MGST1: variants seen among roughly 807,000 people sequenced by gnomAD.
MGST1 encodes microsomal glutathione S-transferase 1, also known as glutathione S-transferase 12.
A neutral mutation model predicts 8.9 loss-of-function variants in MGST1; 5 were observed. That is an observed-to-expected ratio of 0.56 (90% CI 0.29 to 1.19). The LOEUF is 1.19. MGST1 is among the 50% of genes most tolerant of loss of function. MGST1 has a pLI of 0.08. For synonymous variants in MGST1, 54 were observed against 67.8 expected (o/e 0.80, Z 1.00); for missense variants, 182 against 187.4 (o/e 0.97, Z 0.17).
chr12:16,513,309 A>G lies in MGST1; in HGVS notation n.483-76219A>G, dbSNP rs1306753621. On this transcript the variant is annotated intron_variant and non_coding_transcript_variant, in intron 4 of 4. Transcript: ENST00000538857. This position sits in a 1 kb window ranked among gnomAD's most constrained non-coding sequence, Gnocchi z 4.2. ...TACTCTGATTCTCTCCACATTTCCC[A>G]TTGAAAATTCCTTAAAAAGGAGAAT... 1.2e-5 allele frequency: 3 copies of G among 248,516 alleles called. No individual in the cohort carries two copies. Among genetic ancestry groups the G allele is most frequent in the African/African-American group, 6.9e-5 (3 of 43,534 alleles). 15.4% of individuals were successfully genotyped at this position (248,516 alleles called of 1,614,324 possible).
intron 1 of MGST1, among the ~76,000 whole-genome samples, chr12:16,348,165 G>A (rs1939285409): frequency 6.6e-6 from 1 of 152,200 alleles, no homozygotes; most frequent in Non-Finnish European, 1.5e-5. Context: ...TTGTAAGGCA[G>A]GATTTGCTCT....
rs148590035 is a variant in MGST1, at chr12:16,413,189, G to A, written n.779-24199G>A. Among the ~76,000 whole-genome samples, 2 of 152,248 alleles carry A rather than the reference G, an allele frequency of 1.3e-5. No homozygotes were observed. The highest frequency in any genetic ancestry group is 1.9e-4 in the East Asian group (1 of 5,174). On this transcript the variant is annotated intron_variant and non_coding_transcript_variant, in intron 1 of 1. Transcript: ENST00000359720. The surrounding 1 kb of genome is among the most constrained non-coding windows in gnomAD (Gnocchi z 4.0). ...GAGAACCACTATCACTGACTTTCTC[G>A]AGCCCTATTTGGCTCTGCAGGAGCT...
At chr12:16,493,316 G>A (rs758618685) in intron 4 of MGST1, among the ~76,000 whole-genome samples, 2 of 152,084 alleles carry the variant, frequency 1.3e-5, no homozygotes, top group Admixed American at 1.3e-4. Flanking sequence ...TTTTTTACGT[G>A]CTTGTTCAAG....
chr12:16,562,906 T>C (rs1942453074), intron 4 of MGST1, among the ~76,000 whole-genome samples: 1 of 152,234 alleles, frequency 6.6e-6, no homozygotes, highest in African/African-American at 2.4e-5. Flanking sequence ...TCTGACGTTA[T>C]AGCCTTCCAA....
chr12:16,581,119 C>A, intron 4 of MGST1, among the ~76,000 whole-genome samples: 1 of 152,160 alleles, frequency 6.6e-6, no homozygotes, highest in East Asian at 1.9e-4. Flanking sequence ...AAAGGAAGTT[C>A]ATCAGTGCTT....
At chr12:16,579,872 G>T (rs192321707) in intron 4 of MGST1, among the ~76,000 whole-genome samples, 16 of 152,278 alleles carry the variant, frequency 1.1e-4, no homozygotes, top group African/African-American at 2.4e-4. Flanking sequence ...TTTAGATAAT[G>T]ATTATCCATT....
Position 16,537,020 on chromosome 12 carries a change from A to C in MGST1, n.483-52508A>C, listed in dbSNP as rs147703791. Among the ~76,000 whole-genome samples the C allele has an allele frequency of 0.022, 3,292 of 152,290 alleles. 128 individuals are homozygous for C. Among genetic ancestry groups the C allele is most frequent in the African/African-American group, 0.076 (3,137 of 41,548 alleles). ...TTTTGGCATTAACCCAAAAGTCCAC[A>C]GTCCAAAGTCTCATCTGAGACAAGG... On this transcript the variant is annotated intron_variant and non_coding_transcript_variant, in intron 4 of 4. Transcript: ENST00000538857. The surrounding 1 kb of genome is among the most constrained non-coding windows in gnomAD (Gnocchi z 4.6).
chr12:16,424,309 G>T (rs192212125), intron 1 of MGST1, among the ~76,000 whole-genome samples: 6 of 152,240 alleles, frequency 3.9e-5, no homozygotes, highest in African/African-American at 1.4e-4. Context: ...CTTCCTGAAA[G>T]AACTTTGGAA....
At chr12:16,415,590 A>G (rs1430712923) in intron 1 of MGST1, among the ~76,000 whole-genome samples, 1 of 152,208 alleles carries the variant, frequency 6.6e-6, no homozygotes, top group Non-Finnish European at 1.5e-5. Flanking sequence ...TTATGAATTT[A>G]TTAATAACAT....
intron 1 of MGST1, chr12:16,399,301 C>G: frequency 6.2e-7 from 1 of 1,606,304 alleles, no homozygotes; most frequent in Non-Finnish European, 8.5e-7. Context: ...TTGGGGGGTG[C>G]AGAGCTGTGT....
intron 4 of MGST1, among the ~76,000 whole-genome samples, chr12:16,521,231 C>A (rs1436447664): frequency 1.3e-5 from 2 of 152,060 alleles, no homozygotes; most frequent in Non-Finnish European, 2.9e-5. Flanking sequence ...TGAGGAAAAT[C>A]AGTAGACTAT....
intron 4 of MGST1, among the ~76,000 whole-genome samples, chr12:16,477,493 A>G (rs892117892): frequency 6.6e-6 from 1 of 152,218 alleles, no homozygotes; most frequent in African/African-American, 2.4e-5. Flanking sequence ...AGTAGTTTCA[A>G]AACAGATTAA....
intron 1 of MGST1, among the ~76,000 whole-genome samples, chr12:16,433,123 G>A (rs1314269650): frequency 6.6e-6 from 1 of 152,098 alleles, no homozygotes; most frequent in African/African-American, 2.4e-5. Flanking sequence ...CAAAACTGAA[G>A]AACTTGGAGT....
intron 3 of MGST1, among the ~76,000 whole-genome samples, chr12:16,373,269 G>A (rs1466276977): frequency 6.6e-6 from 1 of 151,704 alleles, no homozygotes; most frequent in East Asian, 1.9e-4. Flanking sequence ...AGGGATGTGG[G>A]GGATAAAGAG....
chr12:16,459,694 G>A (rs1941204608), intron 4 of MGST1, among the ~76,000 whole-genome samples: 1 of 152,040 alleles, frequency 6.6e-6, no homozygotes, highest in African/African-American at 2.4e-5. Flanking sequence ...ATCTTATCTT[G>A]ATCCAGAGAG....
chr12:16,427,873 T>A (rs966618589), intron 1 of MGST1, among the ~76,000 whole-genome samples: 1 of 152,180 alleles, frequency 6.6e-6, no homozygotes, highest in African/African-American at 2.4e-5. Context: ...AGCTATTTTC[T>A]ATGACTCACC....
At position 16,567,933 on chromosome 12, in the gene MGST1, T is replaced by A. The variant is rs138727582; in HGVS notation, n.483-21595T>A. ...TGGACTTACTGAGTAGCGATCATGATCTGACCCATTTTAACAACATGGTGG... is the reference window on the plus strand; with the variant it reads ...TGGACTTACTGAGTAGCGATCATGAACTGACCCATTTTAACAACATGGTGG... On this transcript the variant is annotated intron_variant and non_coding_transcript_variant, in intron 4 of 4. Transcript: ENST00000538857. Among the ~76,000 whole-genome samples the A allele has an allele frequency of 1.5e-3, 230 of 152,250 alleles. 2 individuals carry two copies. The highest frequency in any genetic ancestry group is 5.2e-3 in the African/African-American group (217 of 41,562).
At chr12:16,395,523 G>A (rs1208965097) in intron 1 of MGST1, among the ~76,000 whole-genome samples, 1 of 151,972 alleles carries the variant, frequency 6.6e-6, no homozygotes, top group South Asian at 2.1e-4. Context: ...CCCATCACCT[G>A]AGCAGTATAC....
At chr12:16,574,325 G>C (rs1168500711) in intron 4 of MGST1, among the ~76,000 whole-genome samples, 2 of 152,284 alleles carry the variant, frequency 1.3e-5, no homozygotes, top group African/African-American at 2.4e-5. Context: ...GAAAACGCCT[G>C]TCTCTCGGAT....
Sources: allele counts gnomAD v4.1 joint callset (sites outside exome capture counted in the v4.1 genomes callset), GRCh38; gene constraint gnomAD v4.1.1; non-coding constraint Gnocchi (gnomAD v3.1); transcripts MANE v1.5; gene names NCBI Gene and HGNC (gene_info 2026-07-23, HGNC 2026-07-21).